SDK1: variants seen among roughly 807,000 people sequenced by gnomAD.
SDK1 encodes the protein sidekick cell adhesion molecule 1.
In SDK1, 157 loss-of-function variants were observed where a neutral mutation model predicts 245.5. The observed-to-expected ratio is 0.64, with a 90% CI of 0.56 to 0.73. SDK1 has a LOEUF of 0.73. SDK1 is among the 30% of genes least tolerant of loss of function. SDK1 has a pLI of 0.00. For synonymous variants in SDK1, 1,647 were observed against 1,278.5 expected, an observed-to-expected ratio of 1.29 and a Z score of -6.15; for missense variants, 3,583 against 3,002.3, an observed-to-expected ratio of 1.19 and a Z score of -4.52.
intron 40 of SDK1, among the ~76,000 whole-genome samples, chr7:4,223,319 A>G (rs886577007): frequency 1.3e-5 from 2 of 152,250 alleles, no homozygotes; most frequent in Admixed American, 6.5e-5. Flanking sequence ...ATGCAGGCAC[A>G]TTCGTTATCC....
intron 4 of SDK1, among the ~76,000 whole-genome samples, chr7:3,672,597 T>A (rs11977446): frequency 2.1e-4 from 29 of 140,938 alleles, no homozygotes; most frequent in Non-Finnish European, 3.5e-4. Flanking sequence ...ATATATATAA[T>A]ATATATATTT....
chr7:3,714,620 T>G (rs930684748), intron 4 of SDK1, among the ~76,000 whole-genome samples: 1 of 152,224 alleles, frequency 6.6e-6, no homozygotes, highest in Non-Finnish European at 1.5e-5. Flanking sequence ...TCCTGAGGCC[T>G]TCAAAGTTTA....
intron 5 of SDK1, among the ~76,000 whole-genome samples, chr7:3,826,726 G>T (rs550449017): frequency 2.4e-4 from 37 of 152,184 alleles, no homozygotes; most frequent in Non-Finnish European, 5.1e-4. Flanking sequence ...GATAGCTTGC[G>T]TACAGAGTGT....
At chr7:3,889,528 G>C (rs549867786) in intron 5 of SDK1, among the ~76,000 whole-genome samples, 1 of 151,906 alleles carries the variant, frequency 6.6e-6, no homozygotes, top group Non-Finnish European at 1.5e-5. Context: ...TTTTTTTAGG[G>C]ATGGTGTCTT....
intron 4 of SDK1, among the ~76,000 whole-genome samples, chr7:3,707,733 T>C (rs1298045652): frequency 6.6e-6 from 1 of 152,186 alleles, no homozygotes; most frequent in Admixed American, 6.5e-5. Flanking sequence ...TGAGCTCTAG[T>C]GTTAAATGCA....
chr7:4,231,090 C>G (rs1287847948), intron 40 of SDK1, among the ~76,000 whole-genome samples: 2 of 152,096 alleles, frequency 1.3e-5, no homozygotes, highest in African/African-American at 4.8e-5. Context: ...CATTCTTAAG[C>G]CAAACTCACA....
chr7:3,792,633 T>G (rs1484729438), intron 4 of SDK1, among the ~76,000 whole-genome samples: 1 of 150,606 alleles, frequency 6.6e-6, no homozygotes, highest in Non-Finnish European at 1.5e-5. Context: ...CATCCATCCA[T>G]CCATCCATCC....
chr7:4,268,746 G>A lies in SDK1; in HGVS notation c.*3362G>A, dbSNP rs376387324. ...GTGGCTCCCCGTGGGTCAGCGTCCTGGTAGCATGGATCCAGTCTGAAAGGT... is the reference window on the plus strand; with the variant it reads ...GTGGCTCCCCGTGGGTCAGCGTCCTAGTAGCATGGATCCAGTCTGAAAGGT... On this transcript the variant is annotated 3_prime_UTR_variant, in exon 45 of 45. Coordinates refer to ENST00000404826, the MANE Select transcript of SDK1 (RefSeq NM_152744.4). 1 of 1,367,754 alleles carries A rather than the reference G, an allele frequency of 7.3e-7. No individual in the cohort carries two copies. Among genetic ancestry groups the A allele is most frequent in the South Asian group, 1.1e-5 (1 of 88,046 alleles). 84.7% of individuals were successfully genotyped at this position (1,367,754 alleles called of 1,614,324 possible). A position where few individuals can be genotyped will look rare whatever the true frequency, so the allele number is the denominator to read the frequency against.
At chr7:4,233,061 A>T in intron 40 of SDK1, 194 bp from the exon 41 acceptor site, 1 of 562,390 alleles carries the variant, frequency 1.8e-6, no homozygotes, top group Non-Finnish European at 3.2e-6. Flanking sequence ...CAATCATCAC[A>T]CCATTCATCT....
chr7:3,858,868 T>TTC (rs1554272459), intron 5 of SDK1, among the ~76,000 whole-genome samples: 1 of 145,270 alleles, frequency 6.9e-6, no homozygotes, highest in Non-Finnish European at 1.5e-5. Flanking sequence ...TCTTTTTTCT[T>TTC]TTTTTTTTTT....
intron 4 of SDK1, among the ~76,000 whole-genome samples, chr7:3,694,231 G>C (rs779431120): frequency 2.0e-5 from 3 of 152,130 alleles, no homozygotes; most frequent in Non-Finnish European, 2.9e-5. Flanking sequence ...ATAAGACTTC[G>C]TGAAAGCTCT....
chr7:3,546,963 T>C (rs893130489), intron 1 of SDK1, among the ~76,000 whole-genome samples: 3 of 152,196 alleles, frequency 2.0e-5, no homozygotes, highest in Admixed American at 6.5e-5. Flanking sequence ...TTTCACACTT[T>C]TGATTTAACT....
chr7:3,770,070 A>G (rs1383982808), intron 4 of SDK1, among the ~76,000 whole-genome samples: 4 of 152,010 alleles, frequency 2.6e-5, no homozygotes, highest in African/African-American at 7.2e-5. Context: ...AGTGAGGGAG[A>G]TGAGACAGGG....
Position 4,029,045 on chromosome 7 carries a change from C to T in SDK1, c.2602+11693C>T, listed in dbSNP as rs111674453. Among the ~76,000 whole-genome samples the T allele has an allele frequency of 2.6e-3, 365 of 137,862 alleles. 2 individuals are homozygous for T. Among genetic ancestry groups the T allele is most frequent in the Non-Finnish European group, 4.2e-3 (275 of 65,924 alleles). The allele number at this position is 137,862 out of a possible 152,430, so 90.4% of individuals were successfully genotyped here. A position where few individuals can be genotyped will look rare whatever the true frequency, so the allele number is the denominator to read the frequency against. ...AAAGTGCGGCACATTCTACCAACCC[C>T]GTTTGCTTTTCCGAGGGGGGTGGGG... is the stretch of plus-strand genomic sequence containing the variant. On this transcript the variant is annotated intron_variant, in intron 17 of 44. Transcript: ENST00000404826.
intron 4 of SDK1, among the ~76,000 whole-genome samples, chr7:3,728,944 A>T (rs1216614105): frequency 6.6e-6 from 1 of 152,062 alleles, no homozygotes; most frequent in Non-Finnish European, 1.5e-5. Context: ...TAAAAAAAAA[A>T]TCTCTAGAAA....
chr7:3,939,780 G>C lies in SDK1; in HGVS notation c.848-11143G>C, dbSNP rs560299760. 2.1e-3 allele frequency among the ~76,000 whole-genome samples: 326 copies of C among 152,326 alleles called. 1 individual carries two copies. The highest frequency in any genetic ancestry group is 6.8e-3 in the Middle Eastern group (2 of 294). On this transcript the variant is annotated intron_variant, in intron 5 of 44. Transcript: ENST00000404826. ...TGCTCCCCTTGGTGGAAAGAGATCC[G>C]ACACACCTGTTGCTCTGAGATGCTT...
intron 44 of SDK1, among the ~76,000 whole-genome samples, chr7:4,249,257 G>C (rs554924163): frequency 5.3e-5 from 8 of 152,178 alleles, no homozygotes; most frequent in Non-Finnish European, 8.8e-5. Context: ...CCTGAGACAC[G>C]CACTGATGAG....
At chr7:3,791,877 G>A (rs944793968) in intron 4 of SDK1, among the ~76,000 whole-genome samples, 3 of 152,040 alleles carry the variant, frequency 2.0e-5, no homozygotes, top group South Asian at 2.1e-4. Context: ...TAATCTCAGC[G>A]CTTAGGGAGG....
Position 3,947,447 on chromosome 7 carries a change from A to C in SDK1, c.848-3476A>C, listed in dbSNP as rs1035823175. Among the ~76,000 whole-genome samples the C allele has an allele frequency of 1.3e-5, 2 of 152,168 alleles. 1 individual carries two copies. Among genetic ancestry groups the C allele is most frequent in the South Asian group, 4.1e-4 (2 of 4,834 alleles). ...ATTATCTACTGCACAGCTAGACAGTATAGAGAGATTATATTTCTTTCTTCT... is the reference window on the plus strand; with the variant it reads ...ATTATCTACTGCACAGCTAGACAGTCTAGAGAGATTATATTTCTTTCTTCT... On this transcript the variant is annotated intron_variant, in intron 5 of 44. Coordinates refer to ENST00000404826, the MANE Select transcript of SDK1 (RefSeq NM_152744.4).
Sources: gnomAD v4.1 joint callset for allele counts (sites outside exome capture counted in the v4.1 genomes callset) on GRCh38, gnomAD v4.1.1 for gene constraint, MANE v1.5 for transcripts, NCBI Gene and HGNC (gene_info 2026-07-23, HGNC 2026-07-21) for gene names.